CTNNBL1: variants seen among roughly 807,000 people sequenced by gnomAD.
CTNNBL1 encodes the protein catenin beta like 1.
In CTNNBL1, 31 loss-of-function variants were observed where a neutral mutation model predicts 72.7. The ratio of observed to expected loss-of-function variants is 0.43; its 90% CI spans 0.32 to 0.58. The LOEUF is 0.58. Among genes scored for constraint, CTNNBL1 ranks in the 20% least tolerant of loss-of-function variants. The pLI, the probability that CTNNBL1 is intolerant of heterozygous loss-of-function variation, is 0.08. For synonymous variants in CTNNBL1, 240 were observed against 267.3 expected (o/e 0.90, Z 1.00); for missense variants, 534 against 725.1 (o/e 0.74, Z 3.03).
intron 10 of CTNNBL1, among the ~76,000 whole-genome samples, chr20:37,794,663 T>G (rs1217946315): frequency 6.6e-6 from 1 of 151,948 alleles, no homozygotes; most frequent in East Asian, 1.9e-4. Flanking sequence ...TGGCTAATTT[T>G]TTTTTTTTTT....
At chr20:37,815,076 A>AGT (rs11474436) in intron 11 of CTNNBL1, among the ~76,000 whole-genome samples, 5,715 of 147,182 alleles carry the variant, frequency 0.039, 220 homozygotes, top group African/African-American at 0.1. Flanking sequence ...GGACTCTGTG[A>AGT]GTGTGTGTGT....
At chr20:37,817,686 A>G (rs1165959806) in intron 11 of CTNNBL1, among the ~76,000 whole-genome samples, 3 of 152,224 alleles carry the variant, frequency 2.0e-5, no homozygotes, top group Admixed American at 6.5e-5. Context: ...ATTGTGCTTC[A>G]GTAGGTCTGG....
In CTNNBL1 at chr20:37,843,339, A is replaced by G. The variant is rs115061368; in HGVS notation, c.1392+920A>G. Among the ~76,000 whole-genome samples, 252 of 152,272 alleles carry G rather than the reference A, an allele frequency of 1.7e-3. 1 individual carries two copies. Among genetic ancestry groups the G allele is most frequent in the African/African-American group, 5.8e-3 (242 of 41,554 alleles). On this transcript the variant is annotated intron_variant, in intron 13 of 15. Coordinates refer to ENST00000361383, the MANE Select transcript of CTNNBL1 (RefSeq NM_030877.5). ...GAGGCTTTTGAACTTCACTGGTGGA[A>G]GGACTGATTTTAGTATAGCCCTCCC...
intron 15 of CTNNBL1, among the ~76,000 whole-genome samples, chr20:37,865,836 C>A (rs1051135574): frequency 3.3e-5 from 5 of 152,252 alleles, no homozygotes; most frequent in Non-Finnish European, 5.9e-5. Context: ...TCAAAACTCT[C>A]TCACTGCTGG....
chr20:37,735,990 C>A (rs976927826), intron 2 of CTNNBL1, among the ~76,000 whole-genome samples: 1 of 152,100 alleles, frequency 6.6e-6, no homozygotes, highest in African/African-American at 2.4e-5. Flanking sequence ...GAAGATAAAA[C>A]GTGTGAAATT....
At chr20:37,800,221 C>T (rs150983303) in intron 10 of CTNNBL1, among the ~76,000 whole-genome samples, 1 of 152,124 alleles carries the variant, frequency 6.6e-6, no homozygotes, top group African/African-American at 2.4e-5. Context: ...CAAGACCAGT[C>T]ACCTCTCTCC....
At position 37,721,201 on chromosome 20, in the gene CTNNBL1, C is replaced by T. The variant is rs148437904; in HGVS notation, c.31-11678C>T. ...TCCTATAGCAAGGCTTCCAGACCCT[C>T]TGCTATCCCGCTCATATATTCCCCT... On this transcript the variant is annotated intron_variant, in intron 1 of 15. Coordinates refer to ENST00000361383, the MANE Select transcript of CTNNBL1 (RefSeq NM_030877.5). 2.8e-3 allele frequency among the ~76,000 whole-genome samples: 428 copies of T among 152,340 alleles called. 5 individuals are homozygous for T. Among genetic ancestry groups the T allele is most frequent in the East Asian group, 0.017 (89 of 5,188 alleles).
rs187187511 is a variant in CTNNBL1 at position 37,783,328 on chromosome 20, T to A, written c.1031+3993T>A. ...TTTGAAACCTAACTTTTAATTTTGT[T>A]GATCTTTTTTATCTTTTTTTGTTTG... On this transcript the variant is annotated intron_variant, in intron 10 of 15. Transcript: ENST00000361383. Among the ~76,000 whole-genome samples the A allele has an allele frequency of 4.6e-5, 7 of 152,322 alleles. No homozygotes were observed. In the East Asian group the frequency reaches 1.2e-3, roughly 25 times the overall value.
chr20:37,747,441 G>T, intron 4 of CTNNBL1, among the ~76,000 whole-genome samples: 1 of 148,660 alleles, frequency 6.7e-6, no homozygotes, highest in Non-Finnish European at 1.5e-5. Context: ...AATATTTGTT[G>T]AGTGCATGTT....
intron 13 of CTNNBL1, among the ~76,000 whole-genome samples, chr20:37,856,679 G>A (rs1052320751): frequency 2.6e-5 from 4 of 151,854 alleles, no homozygotes; most frequent in Non-Finnish European, 4.4e-5. Flanking sequence ...CCCATCACTC[G>A]CCCTGAAACC....
chr20:37,697,405 G>A (rs759114227), intron 1 of CTNNBL1, among the ~76,000 whole-genome samples: 2 of 152,178 alleles, frequency 1.3e-5, no homozygotes, highest in Non-Finnish European at 2.9e-5. Flanking sequence ...AATGATGGAG[G>A]CAGCAAGAAC....
intron 10 of CTNNBL1, among the ~76,000 whole-genome samples, chr20:37,798,162 T>C (rs2073794862): frequency 6.6e-6 from 1 of 152,220 alleles, no homozygotes; most frequent in African/African-American, 2.4e-5. Context: ...GGACTTAATA[T>C]CTGGCACCTG....
At chr20:37,802,500 A>G (rs923483241) in intron 10 of CTNNBL1, among the ~76,000 whole-genome samples, 1 of 152,236 alleles carries the variant, frequency 6.6e-6, no homozygotes, top group African/African-American at 2.4e-5. Flanking sequence ...ATTGTATAGT[A>G]TGCGAATTGT....
chr20:37,815,518 A>G (rs1376199100), intron 11 of CTNNBL1, among the ~76,000 whole-genome samples: 1 of 151,946 alleles, frequency 6.6e-6, no homozygotes, highest in Non-Finnish European at 1.5e-5. Flanking sequence ...GGGTTTCACC[A>G]TGTTGGTCAG....
intron 7 of CTNNBL1, among the ~76,000 whole-genome samples, chr20:37,773,741 C>T (rs570205949): frequency 6.6e-6 from 1 of 152,208 alleles, no homozygotes; most frequent in East Asian, 1.9e-4. Flanking sequence ...TCTTCTATTT[C>T]TTTTCTACCA....
At chr20:37,755,375 T>A (rs1351174982) in intron 4 of CTNNBL1, among the ~76,000 whole-genome samples, 1 of 152,184 alleles carries the variant, frequency 6.6e-6, no homozygotes. Context: ...TTCAAATAAT[T>A]TGTGTGTTTC....
intron 13 of CTNNBL1, among the ~76,000 whole-genome samples, chr20:37,857,912 T>C (rs986716354): frequency 4.6e-5 from 7 of 152,226 alleles, no homozygotes; most frequent in Admixed American, 4.6e-4. Flanking sequence ...GATGTCTGAC[T>C]GGATGCAATC....
At chr20:37,703,176 A>G (rs200361110) in intron 1 of CTNNBL1, among the ~76,000 whole-genome samples, 1 of 152,240 alleles carries the variant, frequency 6.6e-6, no homozygotes, top group East Asian at 1.9e-4. Flanking sequence ...AGCTTCCCCT[A>G]AAGCTAACAT....
At chr20:37,863,278 A>G (rs1372320710) in intron 15 of CTNNBL1, among the ~76,000 whole-genome samples, 1 of 152,166 alleles carries the variant, frequency 6.6e-6, no homozygotes, top group East Asian at 1.9e-4. Flanking sequence ...AGTGAAATGC[A>G]CGCTCCAGGA....
Sources: gnomAD v4.1 joint callset for allele counts (sites outside exome capture counted in the v4.1 genomes callset) on GRCh38, gnomAD v4.1.1 for gene constraint, MANE v1.5 for transcripts, NCBI Gene and HGNC (gene_info 2026-07-23, HGNC 2026-07-21) for gene names.